The following NEURL1B variants were observed in gnomAD, a reference collection of about 807,000 sequenced individuals.
NEURL1B encodes neuralized E3 ubiquitin protein ligase 1B.
A neutral mutation model predicts 37.4 loss-of-function variants in NEURL1B; 13 were observed. That is an observed-to-expected ratio of 0.35 (90% CI 0.23 to 0.55). The LOEUF is 0.55. NEURL1B is among the 20% of genes least tolerant of loss of function. The pLI is 0.89. For missense variants in NEURL1B, 790 were observed against 879.2 expected (o/e 0.90, Z 1.28); for synonymous variants, 432 against 426.6 (o/e 1.01, Z -0.16).
In NEURL1B at chr5:172,657,270, T is replaced by C. The variant is rs1383126948; in HGVS notation, c.32-12515T>C. Among the ~76,000 whole-genome samples, 1 of 152,120 alleles carries C rather than the reference T, an allele frequency of 6.6e-6. No individual in the cohort carries two copies. The highest frequency in any genetic ancestry group is 1.5e-5 in the Non-Finnish European group (1 of 68,012). On this transcript the variant is annotated intron_variant, in intron 1 of 4. Coordinates refer to ENST00000369800, the MANE Select transcript of NEURL1B (RefSeq NM_001142651.3). This position sits in a 1 kb window ranked among gnomAD's most constrained non-coding sequence, Gnocchi z 4.0. Reference sequence around the variant, plus strand: ...GAGAGGACCAGTGAACCAAGGACTGTCAGATCGCCAGAACTTAGGACACAT... The same window carrying C: ...GAGAGGACCAGTGAACCAAGGACTGCCAGATCGCCAGAACTTAGGACACAT...
intron 1 of NEURL1B, among the ~76,000 whole-genome samples, chr5:172,655,727 G>GT (rs74431507): frequency 0.047 from 6,392 of 137,350 alleles, 373 homozygotes; most frequent in African/African-American, 0.14. Flanking sequence ...GCCAGTGTTT[G>GT]TTTTTTTTTT....
rs997853138 is a variant in NEURL1B, at chr5:172,647,292, T to C, written c.31+5855T>C. Among the ~76,000 whole-genome samples the C allele has an allele frequency of 6.6e-6, 1 of 152,084 alleles. No individual in the cohort carries two copies. Among genetic ancestry groups the C allele is most frequent in the Non-Finnish European group, 1.5e-5 (1 of 67,976 alleles). On this transcript the variant is annotated intron_variant, in intron 1 of 4. Transcript: ENST00000369800. This position sits in a 1 kb window ranked among gnomAD's most constrained non-coding sequence, Gnocchi z 4.2. ...TCGCAGCCCGACAGGTAGCACACGC[T>C]CACCTGGGCAGTGTCGCGGGGTGGT...
intron 1 of NEURL1B, among the ~76,000 whole-genome samples, chr5:172,659,252 G>T (rs1212194170): frequency 1.3e-5 from 2 of 152,162 alleles, no homozygotes; most frequent in African/African-American, 4.8e-5. Flanking sequence ...TGCTCCAGGG[G>T]AACTTGGGCC....
At chr5:172,671,235 T>C (rs1336429438) in intron 2 of NEURL1B, among the ~76,000 whole-genome samples, 2 of 152,204 alleles carry the variant, frequency 1.3e-5, no homozygotes. Context: ...ATCTGCTTTC[T>C]GTTTGAGACC....
chr5:172,669,751 G>A, intron 1 of NEURL1B, 34 bp from the exon 2 acceptor site: 1 of 1,234,288 alleles, frequency 8.1e-7, no homozygotes, highest in Non-Finnish European at 1.0e-6. Context: ...GAGTTCGGAG[G>A]AGGCCTAACC....
intron 3 of NEURL1B, among the ~76,000 whole-genome samples, chr5:172,684,483 C>T (rs183693504): frequency 1.8e-3 from 277 of 152,240 alleles, no homozygotes; most frequent in African/African-American, 6.1e-3. Context: ...GGCTATATCC[C>T]CTCGGTAAAT....
At chr5:172,672,465 C>T (rs145010343) in intron 2 of NEURL1B, among the ~76,000 whole-genome samples, 2 of 151,774 alleles carry the variant, frequency 1.3e-5, no homozygotes, top group African/African-American at 2.4e-5. Flanking sequence ...CAAGTGGATT[C>T]GGATTTTTAA....
intron 1 of NEURL1B, among the ~76,000 whole-genome samples, chr5:172,663,178 T>C (rs1165104556): frequency 1.3e-5 from 2 of 151,078 alleles, no homozygotes; most frequent in African/African-American, 4.9e-5. Flanking sequence ...CATGCCACTG[T>C]ACTCAGCCTG....
intron 1 of NEURL1B, chr5:172,656,579 C>T (rs1027070521): frequency 3.3e-5 from 53 of 1,611,106 alleles, no homozygotes; most frequent in East Asian, 2.7e-4. Context: ...CCGCGGCCTT[C>T]GCTTTTAGCT....
At chr5:172,680,274 A>AT (rs1758322728) in intron 2 of NEURL1B, among the ~76,000 whole-genome samples, 1 of 152,196 alleles carries the variant, frequency 6.6e-6, no homozygotes, top group African/African-American at 2.4e-5. Context: ...GTGAAATGGC[A>AT]TACCTGAGGT....
At chr5:172,663,660 G>T (rs934139003) in intron 1 of NEURL1B, among the ~76,000 whole-genome samples, 17 of 151,500 alleles carry the variant, frequency 1.1e-4, no homozygotes, top group Non-Finnish European at 2.2e-4. Flanking sequence ...CTTCTTCTTA[G>T]AGTCCCTGGC....
chr5:172,683,451 C>G lies in NEURL1B; in HGVS notation c.610C>G (p.Arg204Gly). ...SAFADTLTPA[R>G]LSQARFSACL... ...CTTCGCTGACACGCTGACGCCCGCG[C>G]GCCTCAGCCAGGCCCGCTTCAGCGC... The change falls in exon 3 of 5, where the codon CGC becomes GGC. Residue 204 changes from arginine to glycine, a missense_variant. By Grantham distance (125) the Arg-to-Gly change is moderately radical. Transcript: ENST00000369800. The surrounding 1 kb of genome is among the most constrained non-coding windows in gnomAD (Gnocchi z 5.6). 1 of 1,459,680 alleles carries G rather than the reference C, an allele frequency of 6.9e-7. No individual in the cohort carries two copies. The highest frequency in any genetic ancestry group is 1.5e-5 in the African/African-American group (1 of 68,066). 90.4% of individuals were successfully genotyped at this position (1,459,680 alleles called of 1,614,324 possible). A position where few individuals can be genotyped will look rare whatever the true frequency, so the allele number is the denominator to read the frequency against.
At chr5:172,672,357 T>A (rs1758145384) in intron 2 of NEURL1B, among the ~76,000 whole-genome samples, 1 of 152,188 alleles carries the variant, frequency 6.6e-6, no homozygotes, top group Admixed American at 6.5e-5. Context: ...TCTTTTTTCC[T>A]ATCCAGCAGG....
At chr5:172,654,565 T>G (rs1757728143) in intron 1 of NEURL1B, among the ~76,000 whole-genome samples, 1 of 128,568 alleles carries the variant, frequency 7.8e-6, no homozygotes, top group African/African-American at 3.2e-5. Flanking sequence ...ATTTTTGAGT[T>G]AAACTATTTT....
chr5:172,685,342 T>G (rs1472544288), intron 3 of NEURL1B, among the ~76,000 whole-genome samples: 1 of 152,084 alleles, frequency 6.6e-6, no homozygotes, highest in African/African-American at 2.4e-5. Flanking sequence ...GGAAGTTGTG[T>G]TGTTTTGTGT....
intron 1 of NEURL1B, among the ~76,000 whole-genome samples, chr5:172,658,371 T>C (rs1292004399): frequency 6.6e-6 from 1 of 152,150 alleles, no homozygotes; most frequent in East Asian, 1.9e-4. Flanking sequence ...CCTGCAGGCA[T>C]CCTCAGTCCA....
At chr5:172,677,437 GATGAGGGTCCCCACTTTGC>G (rs1485546223) in intron 2 of NEURL1B, among the ~76,000 whole-genome samples, 1 of 152,152 alleles carries the variant, frequency 6.6e-6, no homozygotes, top group Non-Finnish European at 1.5e-5. Context: ...ACTAAGATGG[GATGAGGGTCCCCACTTTGC>G]AAGTGGGGAA....
intron 1 of NEURL1B, among the ~76,000 whole-genome samples, chr5:172,668,550 C>G (rs138878791): frequency 6.6e-6 from 1 of 152,090 alleles, no homozygotes; most frequent in African/African-American, 2.4e-5. Context: ...ATTCATCAAA[C>G]CCCCCCACTT....
Position 172,665,149 on chromosome 5 carries a change from C to T in NEURL1B, c.32-4636C>T, listed in dbSNP as rs1757985650. 6.6e-6 allele frequency among the ~76,000 whole-genome samples: 1 copy of T among 152,142 alleles called. No homozygotes were observed. Among genetic ancestry groups the T allele is most frequent in the South Asian group, 2.1e-4 (1 of 4,828 alleles). On this transcript the variant is annotated intron_variant, in intron 1 of 4. Transcript: ENST00000369800. This position sits in a 1 kb window ranked among gnomAD's most constrained non-coding sequence, Gnocchi z 4.1. ...GATAAAAATAATCAAATAAGGGTGG[C>T]CATGGACGCTGGTGCTCAGAAGGGC...
Sources: allele counts gnomAD v4.1 joint callset (sites outside exome capture counted in the v4.1 genomes callset), GRCh38; gene constraint gnomAD v4.1.1; non-coding constraint Gnocchi (gnomAD v3.1); transcripts MANE v1.5; gene names NCBI Gene and HGNC (gene_info 2026-07-23, HGNC 2026-07-21).